FBXL7: variants seen among roughly 807,000 people sequenced by gnomAD.
The protein encoded by FBXL7 is F-box and leucine rich repeat protein 7, also known as F-box/LRR-repeat protein 7.
FBXL7 carries 12 observed loss-of-function variants against 38.3 expected under a neutral mutation model. The ratio of observed to expected loss-of-function variants is 0.31; its 90% CI spans 0.20 to 0.51. FBXL7 has a LOEUF of 0.51. Ranked by LOEUF, FBXL7 falls within the 20% of genes least tolerant of loss-of-function variation. The pLI is 0.98. For synonymous variants in FBXL7, 297 were observed against 300.9 expected, an observed-to-expected ratio of 0.99 and a Z score of 0.13; for missense variants, 567 against 676.4, an observed-to-expected ratio of 0.84 and a Z score of 1.79.
At chr5:15,732,528 A>G (rs1420616087) in intron 2 of FBXL7, among the ~76,000 whole-genome samples, 1 of 152,204 alleles carries the variant, frequency 6.6e-6, no homozygotes, top group East Asian at 1.9e-4. Flanking sequence ...AAGAAACTCC[A>G]GCATGTGGGA....
intron 1 of FBXL7, among the ~76,000 whole-genome samples, chr5:15,529,082 A>AC (rs1324636098): frequency 5.4e-4 from 82 of 152,152 alleles, no homozygotes; most frequent in Non-Finnish European, 2.4e-4. Context: ...CGATCCTTCT[A>AC]CCCCCGGCAC....
intron 2 of FBXL7, among the ~76,000 whole-genome samples, chr5:15,802,383 C>T (rs998255164): frequency 6.6e-6 from 1 of 152,086 alleles, no homozygotes; most frequent in Non-Finnish European, 1.5e-5. Context: ...ACCCCCACCC[C>T]GCCCCACCGT....
At chr5:15,657,401 C>G (rs1331222463) in intron 2 of FBXL7, among the ~76,000 whole-genome samples, 1 of 152,090 alleles carries the variant, frequency 6.6e-6, no homozygotes, top group Admixed American at 6.6e-5. Flanking sequence ...TACCGGCCTG[C>G]AGTAAACAAA....
chr5:15,832,644 A>G (rs1738487724), intron 2 of FBXL7, among the ~76,000 whole-genome samples: 1 of 152,182 alleles, frequency 6.6e-6, no homozygotes, highest in South Asian at 2.1e-4. Context: ...GACAAACAAC[A>G]TTGAGTTTGT....
chr5:15,854,772 C>T (rs1739204541), intron 2 of FBXL7, among the ~76,000 whole-genome samples: 1 of 152,064 alleles, frequency 6.6e-6, no homozygotes, highest in African/African-American at 2.4e-5. Context: ...TTTCCCATTG[C>T]ATTAAGTTAC....
intron 1 of FBXL7, among the ~76,000 whole-genome samples, chr5:15,578,530 T>C (rs188635566): frequency 1.3e-3 from 203 of 152,280 alleles, no homozygotes; most frequent in Non-Finnish European, 1.9e-3. Flanking sequence ...AACCCATAGA[T>C]ATGGCCTCAG....
intron 2 of FBXL7, among the ~76,000 whole-genome samples, chr5:15,917,649 GGAAGGAAGGAA>G (rs1741623421): frequency 1.6e-5 from 2 of 127,832 alleles, no homozygotes; most frequent in African/African-American, 7.1e-5. Context: ...AGGGAGGGAA[GGAAGGAAGGAA>G]GGAAGGAAGG....
intron 2 of FBXL7, among the ~76,000 whole-genome samples, chr5:15,622,955 T>TGTAA (rs1370961992): frequency 7.9e-5 from 12 of 152,308 alleles, no homozygotes; most frequent in African/African-American, 2.6e-4. Flanking sequence ...TCCCCCCACT[T>TGTAA]TGGCTTCCCA....
chr5:15,714,663 A>G (rs1044942586), intron 2 of FBXL7, among the ~76,000 whole-genome samples: 7 of 152,008 alleles, frequency 4.6e-5, no homozygotes, highest in African/African-American at 1.5e-4. Flanking sequence ...ACTAGCTAAC[A>G]TGGTGAAACC....
chr5:15,879,964 G>GA (rs1001451078), intron 2 of FBXL7, among the ~76,000 whole-genome samples: 32 of 149,332 alleles, frequency 2.1e-4, no homozygotes, highest in Admixed American at 3.3e-4. Flanking sequence ...AATTTAAGCA[G>GA]AAAAAAAAAA....
intron 2 of FBXL7, among the ~76,000 whole-genome samples, chr5:15,820,425 A>C: frequency 6.6e-6 from 1 of 151,358 alleles, no homozygotes. Flanking sequence ...CCCGCCTTTC[A>C]CTGGCCTTTT....
At chr5:15,776,607 C>T (rs552678640) in intron 2 of FBXL7, among the ~76,000 whole-genome samples, 1 of 152,202 alleles carries the variant, frequency 6.6e-6, no homozygotes, top group East Asian at 1.9e-4. Context: ...ATAATTGTGT[C>T]TGGGGCTCAA....
chr5:15,609,436 G>A (rs1431715484), intron 1 of FBXL7, among the ~76,000 whole-genome samples: 3 of 152,130 alleles, frequency 2.0e-5, no homozygotes, highest in Non-Finnish European at 4.4e-5. Context: ...GGTGTCTTTT[G>A]TGAGTGTCTT....
chr5:15,635,145 G>A (rs951789402), intron 2 of FBXL7, among the ~76,000 whole-genome samples: 6 of 152,112 alleles, frequency 3.9e-5, no homozygotes, highest in Non-Finnish European at 8.8e-5. Context: ...GGCTGGGCTT[G>A]ACTGTGATTT....
chr5:15,703,888 G>C (rs1743601782), intron 2 of FBXL7, among the ~76,000 whole-genome samples: 1 of 152,052 alleles, frequency 6.6e-6, no homozygotes, highest in Non-Finnish European at 1.5e-5. Context: ...AAATACAATT[G>C]TATTTTCCCA....
At chr5:15,933,154 A>C (rs775553114) in intron 3 of FBXL7, among the ~76,000 whole-genome samples, 1 of 152,330 alleles carries the variant, frequency 6.6e-6, no homozygotes, top group Non-Finnish European at 1.5e-5. Context: ...CTTTCTTTTC[A>C]TCCCAAACCT....
chr5:15,641,126 G>A (rs1370940592), intron 2 of FBXL7, among the ~76,000 whole-genome samples: 2 of 152,142 alleles, frequency 1.3e-5, no homozygotes, highest in African/African-American at 4.8e-5. Context: ...CACTCTCCAG[G>A]TATTTTATAT....
In FBXL7 at chr5:15,893,360, G is replaced by C. The variant is rs576381535; in HGVS notation, c.128-34530G>C. On this transcript the variant is annotated intron_variant, in intron 2 of 3. Transcript: ENST00000504595. The stretch of plus-strand genomic sequence containing the variant: ...GAAATTATGAAACAAGAAATGGCCA[G>C]AGTTAATTTGTATTCATTTTAATAA... Among the ~76,000 whole-genome samples, 16 of 152,238 alleles carry C rather than the reference G, an allele frequency of 1.1e-4. 1 individual carries two copies. The East Asian group carries it at 1.2e-3, about 11-fold the overall frequency.
chr5:15,737,875 T>C (rs928609983), intron 2 of FBXL7, among the ~76,000 whole-genome samples: 1 of 152,222 alleles, frequency 6.6e-6, no homozygotes, highest in Non-Finnish European at 1.5e-5. Flanking sequence ...CCATCAGTTC[T>C]GGACTTCTGT....
Sources: allele counts gnomAD v4.1 joint callset (sites outside exome capture counted in the v4.1 genomes callset), GRCh38; gene constraint gnomAD v4.1.1; transcripts MANE v1.5; gene names NCBI Gene and HGNC (gene_info 2026-07-23, HGNC 2026-07-21).